The following UGT8 variants were observed in gnomAD, a reference collection of about 807,000 sequenced individuals.
The protein encoded by UGT8 is 2-hydroxyacylsphingosine 1-beta-galactosyltransferase.
A neutral mutation model predicts 40.5 loss-of-function variants in UGT8; 12 were observed. The ratio of observed to expected loss-of-function variants is 0.30; its 90% confidence interval spans 0.19 to 0.48. UGT8 has a LOEUF of 0.48. UGT8 is among the 20% of genes least tolerant of loss of function. The pLI is 0.99. For synonymous variants in UGT8, 224 were observed against 240.4 expected (o/e 0.93, Z 0.63); for missense variants, 513 against 648.7 (o/e 0.79, Z 2.27).
At chr4:114,635,687 C>G (rs897256603) in intron 2 of UGT8, among the ~76,000 whole-genome samples, 1 of 152,114 alleles carries the variant, frequency 6.6e-6, no homozygotes, top group African/African-American at 2.4e-5. Context: ...GCTTTCCCCC[C>G]TCATAAAAAA....
chr4:114,634,745 G>T (rs189879193), intron 2 of UGT8, among the ~76,000 whole-genome samples: 1 of 152,318 alleles, frequency 6.6e-6, no homozygotes, highest in East Asian at 1.9e-4. Context: ...TGAATATCTA[G>T]TCCTTGACAA....
Position 114,623,618 on chromosome 4 carries a change from A to G in UGT8, c.738A>G (p.Val246=), listed in dbSNP as rs762144677. ...GSSLWMLCTD[V]ALEFPRPTLP... Reference sequence around the variant, plus strand: ...GCCTGTGGATGCTGTGTACTGACGTAGCACTGGAATTCCCAAGACCCACTC... The same window carrying G: ...GCCTGTGGATGCTGTGTACTGACGTGGCACTGGAATTCCCAAGACCCACTC... Residue 246 remains valine (V), a synonymous_variant, in exon 2 of 6, where the codon GTA becomes GTG. Transcript: ENST00000310836. 6.2e-7 allele frequency: 1 copy of G among 1,614,112 alleles called. No homozygotes were observed. The highest frequency in any genetic ancestry group is 1.7e-5 in the Admixed American group (1 of 60,018).
chr4:114,625,764 C>T (rs1479538854), intron 2 of UGT8, among the ~76,000 whole-genome samples: 1 of 152,000 alleles, frequency 6.6e-6, no homozygotes, highest in African/African-American at 2.4e-5. Flanking sequence ...TTACTAGTGT[C>T]ACTATTTTGT....
At chr4:114,602,490 A>G (rs1243213767) in intron 1 of UGT8, among the ~76,000 whole-genome samples, 2 of 152,254 alleles carry the variant, frequency 1.3e-5, no homozygotes, top group East Asian at 3.8e-4. Flanking sequence ...AAACAGTGGT[A>G]ATCATATCTC....
chr4:114,667,507 G>A (rs1454499337), intron 4 of UGT8, among the ~76,000 whole-genome samples: 1 of 152,038 alleles, frequency 6.6e-6, no homozygotes, highest in African/African-American at 2.4e-5. Flanking sequence ...GATTATAAAT[G>A]TTTACCTCTA....
intron 5 of UGT8, among the ~76,000 whole-genome samples, chr4:114,672,084 GATC>G (rs1390209150): frequency 2.0e-5 from 3 of 152,188 alleles, no homozygotes; most frequent in African/African-American, 7.2e-5. Context: ...TAACATCACT[GATC>G]ATCAGAGAAA....
chr4:114,656,872 TA>T, intron 2 of UGT8: 1 of 486,146 alleles, frequency 2.1e-6, no homozygotes, highest in Non-Finnish European at 4.3e-6. Context: ...ACGGCCTCAT[TA>T]AAAAATATAA....
chr4:114,606,494 C>T (rs1730743526), intron 1 of UGT8, among the ~76,000 whole-genome samples: 1 of 152,104 alleles, frequency 6.6e-6, no homozygotes, highest in African/African-American at 2.4e-5. Context: ...TCTCACCAAG[C>T]CAATCTGGGG....
chr4:114,645,064 C>T (rs1733482528), intron 2 of UGT8, among the ~76,000 whole-genome samples: 1 of 151,986 alleles, frequency 6.6e-6, no homozygotes, highest in Non-Finnish European at 1.5e-5. Context: ...TAACCATCTT[C>T]AAGGTTTGGA....
intron 5 of UGT8, among the ~76,000 whole-genome samples, chr4:114,675,287 A>G (rs953853395): frequency 6.6e-5 from 10 of 152,270 alleles, no homozygotes; most frequent in African/African-American, 2.4e-4. Flanking sequence ...ATACTATTTA[A>G]AAGTATGTGG....
Position 114,611,441 on chromosome 4 carries a change from T to C in UGT8, c.-2-11438T>C, listed in dbSNP as rs983921843. On this transcript the variant is annotated intron_variant, in intron 1 of 5. Coordinates refer to ENST00000310836, the MANE Select transcript of UGT8 (RefSeq NM_001128174.3). ...ATATATATATATATATATATATATA[T>C]ATATACACACACACACAGAGATATT... 2.1e-3 allele frequency among the ~76,000 whole-genome samples: 237 copies of C among 112,964 alleles called. 2 individuals are homozygous for C. The highest frequency in any genetic ancestry group is 0.01 in the African/African-American group (217 of 21,484). The allele number at this position is 112,964 out of a possible 152,430, so 74.1% of individuals were successfully genotyped here. A position where few individuals can be genotyped will look rare whatever the true frequency, so the allele number is the denominator to read the frequency against.
At chr4:114,635,939 A>G (rs188723936) in intron 2 of UGT8, among the ~76,000 whole-genome samples, 56 of 152,338 alleles carry the variant, frequency 3.7e-4, no homozygotes, top group Admixed American at 1.0e-3. Context: ...ACTAGATTAT[A>G]TACAACTTTT....
intron 5 of UGT8, among the ~76,000 whole-genome samples, chr4:114,674,104 A>G (rs1444189163): frequency 1.3e-5 from 2 of 152,166 alleles, no homozygotes; most frequent in Non-Finnish European, 2.9e-5. Context: ...CTAGAGTGAA[A>G]TCATAAAAAA....
At chr4:114,651,074 G>A (rs1733870179) in intron 2 of UGT8, among the ~76,000 whole-genome samples, 1 of 151,816 alleles carries the variant, frequency 6.6e-6, no homozygotes, top group Admixed American at 6.6e-5. Context: ...TTCTGTACTT[G>A]TGTTCTCCAA....
At position 114,640,672 on chromosome 4, in the gene UGT8, A is replaced by T. The variant is rs370213733; in HGVS notation, c.822+16970A>T. On this transcript the variant is annotated intron_variant, in intron 2 of 5. Coordinates refer to ENST00000310836, the MANE Select transcript of UGT8 (RefSeq NM_001128174.3). ...TCCATTTGGCTGGGGAAATGTGGAA[A>T]CTTCCACCATGGTGGAAGGCAAAGA... 1.6e-4 allele frequency among the ~76,000 whole-genome samples: 25 copies of T among 152,266 alleles called. No individual in the cohort carries two copies. In the South Asian group the frequency reaches 5.0e-3, roughly 30 times the overall value.
intron 1 of UGT8, among the ~76,000 whole-genome samples, chr4:114,608,287 T>C (rs1376078964): frequency 6.6e-6 from 1 of 152,198 alleles, no homozygotes. Context: ...ATGTTAGCAA[T>C]TAGGTTTCAT....
intron 1 of UGT8, among the ~76,000 whole-genome samples, chr4:114,607,583 A>G (rs1002302513): frequency 6.6e-6 from 1 of 152,000 alleles, no homozygotes; most frequent in Non-Finnish European, 1.5e-5. Flanking sequence ...ATTTTTATTT[A>G]TATATAGATG....
chr4:114,622,840 T>G (rs1363571698), intron 1 of UGT8, 39 bp from the exon 2 acceptor site: 2 of 1,532,622 alleles, frequency 1.3e-6, no homozygotes, highest in Admixed American at 3.7e-5. Context: ...TGGTGAGCAT[T>G]GTATTTTGTT....
At chr4:114,621,328 G>A (rs1052321558) in intron 1 of UGT8, among the ~76,000 whole-genome samples, 5 of 152,028 alleles carry the variant, frequency 3.3e-5, no homozygotes, top group African/African-American at 1.2e-4. Flanking sequence ...TCTATTAAAA[G>A]TTTCTCTTTT....
Sources: gnomAD v4.1 joint callset for allele counts (sites outside exome capture counted in the v4.1 genomes callset) on GRCh38, gnomAD v4.1.1 for gene constraint, MANE v1.5 for transcripts, NCBI Gene and HGNC (gene_info 2026-07-23, HGNC 2026-07-21) for gene names.